KCNH1: variants seen among roughly 807,000 people sequenced by gnomAD.
KCNH1 encodes potassium voltage-gated channel subfamily H member 1.
In KCNH1, 27 loss-of-function variants were observed where a neutral mutation model predicts 69.2. That is an observed-to-expected ratio of 0.39 (90% confidence interval 0.29 to 0.54). The LOEUF (loss-of-function observed/expected upper bound fraction) is 0.54, where lower values mean the gene tolerates loss of function less well. KCNH1 is among the 20% of genes least tolerant of loss of function. The probability of loss-of-function intolerance (pLI) is 0.68; values close to 1 mark genes in which losing one functional copy is unlikely to be tolerated. For synonymous variants in KCNH1, 456 were observed against 487.7 expected, an observed-to-expected ratio of 0.93 and a Z score of 0.86; for missense variants, 798 against 1,261.6, an observed-to-expected ratio of 0.63 and a Z score of 5.57.
At chr1:211,078,440 A>G (rs530699171) in intron 5 of KCNH1, among the ~76,000 whole-genome samples, 84 of 152,328 alleles carry the variant, frequency 5.5e-4, no homozygotes, top group Non-Finnish European at 9.3e-4. Context: ...AGTGCAATCA[A>G]ACTAGAACTC....
intron 5 of KCNH1, among the ~76,000 whole-genome samples, chr1:211,048,819 T>G (rs913471137): frequency 6.6e-6 from 1 of 152,132 alleles, no homozygotes; most frequent in African/African-American, 2.4e-5. Flanking sequence ...AAACACCACC[T>G]GTTCCCCAAA....
chr1:211,070,922 G>A (rs1056813006), intron 5 of KCNH1, among the ~76,000 whole-genome samples: 1 of 151,822 alleles, frequency 6.6e-6, no homozygotes, highest in Non-Finnish European at 1.5e-5. Context: ...TAGGGACACC[G>A]ATGCCCCCAC....
Position 210,735,259 on chromosome 1 carries a change from A to T in KCNH1, c.2112+40089T>A, listed in dbSNP as rs577218734. On this transcript the variant is annotated intron_variant, in intron 10 of 10. Transcript: ENST00000271751. ...CCCTGCCTCCATAGACCTAGCGTAC[A>T]CCCCAGGCATCACCTTTCTTCTTCT... Among the ~76,000 whole-genome samples the T allele has an allele frequency of 4.4e-4, 67 of 152,060 alleles. 1 individual carries two copies. In the South Asian group the frequency reaches 9.0e-3, roughly 20 times the overall value.
chr1:210,955,191 T>C (rs1688145031), intron 6 of KCNH1, among the ~76,000 whole-genome samples: 1 of 152,228 alleles, frequency 6.6e-6, no homozygotes, highest in South Asian at 2.1e-4. Flanking sequence ...TTGTCAGGTA[T>C]GTCAAAGATC....
At chr1:210,695,571 TCTC>T (rs1681621112) in intron 10 of KCNH1, among the ~76,000 whole-genome samples, 1 of 152,158 alleles carries the variant, frequency 6.6e-6, no homozygotes, top group Non-Finnish European at 1.5e-5. Flanking sequence ...CAATGATAAG[TCTC>T]CTTGCTAGAA....
chr1:211,120,260 G>T (rs1691662209), intron 1 of KCNH1, among the ~76,000 whole-genome samples: 1 of 151,440 alleles, frequency 6.6e-6, no homozygotes, highest in African/African-American at 2.4e-5. Context: ...TGCAATCTCG[G>T]CTCACTGCAA....
At chr1:210,963,704 C>A (rs1237103380) in intron 6 of KCNH1, among the ~76,000 whole-genome samples, 1 of 151,682 alleles carries the variant, frequency 6.6e-6, no homozygotes, top group Non-Finnish European at 1.5e-5. Flanking sequence ...GATTGAAGAT[C>A]AACTTAATGA....
chr1:210,694,305 A>G (rs113141934), intron 10 of KCNH1, among the ~76,000 whole-genome samples: 1,736 of 152,234 alleles, frequency 0.011, 14 homozygotes, highest in South Asian at 0.035. Context: ...GTGCCAGTGT[A>G]CCAGCTGCAC....
chr1:211,029,453 CTT>C (rs1397128333), intron 5 of KCNH1, among the ~76,000 whole-genome samples: 2 of 147,826 alleles, frequency 1.4e-5, no homozygotes, highest in South Asian at 2.2e-4. Flanking sequence ...AAAAAACACT[CTT>C]ATCAATTGAT....
At position 210,681,478 on chromosome 1, in the gene KCNH1, C is replaced by T. The variant is rs1002234762; in HGVS notation, c.*1803G>A. 3 of 152,192 alleles carry T rather than the reference C, an allele frequency of 2.0e-5. No homozygotes were observed. The highest frequency in any genetic ancestry group is 2.9e-5 in the Non-Finnish European group (2 of 68,108). The allele number at this position is 152,192 out of a possible 1,614,324, so 9.4% of individuals were successfully genotyped here. On this transcript the variant is annotated 3_prime_UTR_variant, in exon 11 of 11. Coordinates refer to ENST00000271751, the MANE Select transcript of KCNH1 (RefSeq NM_172362.3). Reference sequence around the variant, plus strand: ...ATGGAGCAGGACTCTCCCTTGAGCTCGCAGGCCTTGTCTTCCCAGGGCCAT... The same window carrying T: ...ATGGAGCAGGACTCTCCCTTGAGCTTGCAGGCCTTGTCTTCCCAGGGCCAT...
intron 5 of KCNH1, among the ~76,000 whole-genome samples, chr1:211,076,609 C>G (rs1418475059): frequency 6.6e-6 from 1 of 152,190 alleles, no homozygotes; most frequent in East Asian, 1.9e-4. Context: ...TGTAGACCAC[C>G]AACATCAAAG....
At chr1:210,858,850 A>T in intron 7 of KCNH1, 1 of 225,556 alleles carries the variant, frequency 4.4e-6, no homozygotes, top group Non-Finnish European at 8.8e-6. Context: ...AGCTGCCTTC[A>T]TGACATCCCC....
chr1:210,903,418 G>A (rs559929419), intron 7 of KCNH1, among the ~76,000 whole-genome samples: 4 of 152,292 alleles, frequency 2.6e-5, no homozygotes, highest in African/African-American at 9.6e-5. Flanking sequence ...CAGGACTTGG[G>A]AAGGGCTCAT....
intron 6 of KCNH1, among the ~76,000 whole-genome samples, chr1:210,957,742 C>T (rs1029453028): frequency 1.3e-5 from 2 of 151,914 alleles, no homozygotes; most frequent in Non-Finnish European, 2.9e-5. Context: ...GCAACCCATG[C>T]TTTTTTTGCT....
In KCNH1 at chr1:210,684,083, C is replaced by T. The variant is rs370853872; in HGVS notation, c.2168G>A (p.Arg723Gln). ...CAAGATCAGGGGGGCCTCATTCTTTCGTTTCATGCGTTCTTCCTCTTCACG... is the reference window on the plus strand; with the variant it reads ...CAAGATCAGGGGGGCCTCATTCTTTTGTTTCATGCGTTCTTCCTCTTCACG... ...VKREEEERMK[R>Q]KNEAPLILPP... The change falls in exon 11 of 11, where the codon CGA becomes CAA. Residue 723 changes from arginine (R) to glutamine (Q), a missense_variant. By Grantham distance (43) the Arg-to-Gln change is conservative (BLOSUM62 1). Coordinates refer to ENST00000271751, the MANE Select transcript of KCNH1 (RefSeq NM_172362.3). 108 of 1,517,156 alleles carry T rather than the reference C, an allele frequency of 7.1e-5. No homozygotes were observed. Among genetic ancestry groups the T allele is most frequent in the Middle Eastern group, 1.8e-4 (1 of 5,622 alleles). 94.0% of individuals were successfully genotyped at this position (1,517,156 alleles called of 1,614,324 possible). A position where few individuals can be genotyped will look rare whatever the true frequency, so the allele number is the denominator to read the frequency against.
At chr1:210,994,737 C>A (rs12128030) in intron 6 of KCNH1, among the ~76,000 whole-genome samples, 19,588 of 152,132 alleles carry the variant, frequency 0.13, 1,474 homozygotes, top group South Asian at 0.28. Flanking sequence ...CTGGCTTCTA[C>A]CTAACTTTTC....
chr1:210,840,753 T>C (rs1190722218), intron 7 of KCNH1, among the ~76,000 whole-genome samples: 1 of 152,168 alleles, frequency 6.6e-6, no homozygotes, highest in Non-Finnish European at 1.5e-5. Flanking sequence ...GTGGAAGTTA[T>C]CATTTCAGAC....
At chr1:210,835,066 C>T (rs1430624200) in intron 7 of KCNH1, among the ~76,000 whole-genome samples, 3 of 152,168 alleles carry the variant, frequency 2.0e-5, no homozygotes, top group African/African-American at 7.2e-5. Context: ...TGATGATCTT[C>T]AGTTGAGTGC....
At chr1:211,106,546 G>A (rs1230491913) in intron 2 of KCNH1, among the ~76,000 whole-genome samples, 1 of 151,962 alleles carries the variant, frequency 6.6e-6, no homozygotes, top group South Asian at 2.1e-4. Context: ...CACTTTGGGA[G>A]GCCAAGGCGG....
Sources: gnomAD v4.1 joint callset for allele counts (sites outside exome capture counted in the v4.1 genomes callset) on GRCh38, gnomAD v4.1.1 for gene constraint, MANE v1.5 for transcripts, NCBI Gene and HGNC (gene_info 2026-07-23, HGNC 2026-07-21) for gene names.